Variants in TRPM4 observed in about 807,000 individuals in gnomAD.
TRPM4 encodes calcium-activated non-selective cation channel 1.
A neutral mutation model predicts 135.6 loss-of-function variants in TRPM4; 124 were observed. That is an observed-to-expected ratio of 0.91 (90% CI 0.79 to 1.06). The LOEUF (loss-of-function observed/expected upper bound fraction) is 1.06. Ranked by LOEUF, TRPM4 falls within the 50% of genes least tolerant of loss-of-function variation. TRPM4 has a pLI of 0.00. For missense variants in TRPM4, 1,658 were observed against 1,671.4 expected (o/e 0.99, Z 0.14); for synonymous variants, 745 against 705.6 (o/e 1.06, Z -0.88).
chr19:49,208,152 A>C (rs545963442), intron 20 of TRPM4, among the ~76,000 whole-genome samples: 19 of 152,244 alleles, frequency 1.2e-4, no homozygotes, highest in South Asian at 1.0e-3. Context: ...TAATTTTGCT[A>C]CTGCTATCTA....
intron 20 of TRPM4, among the ~76,000 whole-genome samples, chr19:49,208,565 G>C (rs967510469): frequency 1.3e-5 from 2 of 151,842 alleles, no homozygotes; most frequent in Non-Finnish European, 2.9e-5. Flanking sequence ...GTATGGCTTG[G>C]TTTTTCCTAG....
At chr19:49,174,027 C>T (rs1288059597) in intron 9 of TRPM4, among the ~76,000 whole-genome samples, 2 of 151,992 alleles carry the variant, frequency 1.3e-5, no homozygotes, top group East Asian at 1.9e-4. Context: ...CAACCCATTT[C>T]CTGCTCTCAA....
rs368001076 is a variant in TRPM4 at position 49,194,647 on chromosome 19, C to T, written c.2211-1793C>T. ...TCTTTCCTTCCCTTTCTTTCTCTCT[C>T]TCTTTCTCTCTCTGTCCCTCCCTCC... On this transcript the variant is annotated intron_variant, in intron 16 of 24. Coordinates refer to ENST00000252826, the MANE Select transcript of TRPM4 (RefSeq NM_017636.4). 2.8e-3 allele frequency among the ~76,000 whole-genome samples: 269 copies of T among 97,380 alleles called. 1 individual carries two copies. The highest frequency in any genetic ancestry group is 0.011 in the African/African-American group (248 of 21,792). The allele number at this position is 97,380 out of a possible 152,430, so 63.9% of individuals were successfully genotyped here. A position where few individuals can be genotyped will look rare whatever the true frequency, so the allele number is the denominator to read the frequency against.
chr19:49,208,768 C>T (rs373824740), intron 20 of TRPM4, among the ~76,000 whole-genome samples: 1 of 151,756 alleles, frequency 6.6e-6, no homozygotes, highest in African/African-American at 2.4e-5. Context: ...GGCTTGCCGC[C>T]CACACATGGT....
chr19:49,166,285 C>T, intron 3 of TRPM4, 70 bp downstream of exon 3: 2 of 1,479,904 alleles, frequency 1.4e-6, no homozygotes, highest in Non-Finnish European at 1.8e-6. Context: ...AGAGTGGAGC[C>T]GGGACGCCCG....
At chr19:49,182,978 G>A (rs369571529) in intron 11 of TRPM4, 56 bp downstream of exon 11, 3 of 1,592,652 alleles carry the variant, frequency 1.9e-6, no homozygotes, top group Non-Finnish European at 8.5e-7. Context: ...CTGGGGGCGG[G>A]ATTACATCAG....
intron 16 of TRPM4, among the ~76,000 whole-genome samples, chr19:49,191,529 T>G (rs1337823511): frequency 1.3e-5 from 2 of 151,700 alleles, no homozygotes; most frequent in Non-Finnish European, 2.9e-5. Context: ...CTTTCTTTCT[T>G]TTTTGAAATG....
In TRPM4 at chr19:49,171,467, C is replaced by T; in HGVS notation, c.858+49C>T. On this transcript the variant is annotated intron_variant, in intron 7 of 24. Transcript: ENST00000252826. The surrounding 1 kb of genome is among the most constrained non-coding windows in gnomAD (Gnocchi z 4.7). ...TCTAAGGGGGAAGGAGGGTTGGGGG[C>T]CAGGACTCCTGGGTCCTGAGTCTTA... 1.2e-6 allele frequency: 2 copies of T among 1,612,268 alleles called. No homozygotes were observed. Among genetic ancestry groups the T allele is most frequent in the South Asian group, 2.2e-5 (2 of 91,034 alleles).
intron 9 of TRPM4, among the ~76,000 whole-genome samples, chr19:49,177,826 CTG>C (rs1270715445): frequency 6.6e-6 from 1 of 152,130 alleles, no homozygotes; most frequent in Non-Finnish European, 1.5e-5. Context: ...TCATGTGAGT[CTG>C]TATAATTCTC....
chr19:49,172,840 A>T (rs1316158725), intron 9 of TRPM4, among the ~76,000 whole-genome samples: 1 of 132,886 alleles, frequency 7.5e-6, no homozygotes, highest in African/African-American at 2.9e-5. Context: ...TCATTCCTCC[A>T]TCCGTCTTCT....
At chr19:49,180,085 A>C (rs1176332571) in intron 9 of TRPM4, among the ~76,000 whole-genome samples, 2 of 152,156 alleles carry the variant, frequency 1.3e-5, no homozygotes, top group Non-Finnish European at 2.9e-5. Context: ...CCACTACATG[A>C]GATTATCTCT....
chr19:49,182,296 TCATC>T (rs1568470734), intron 10 of TRPM4, among the ~76,000 whole-genome samples: 3 of 93,158 alleles, frequency 3.2e-5, no homozygotes, highest in African/African-American at 8.9e-5. Context: ...ACCTATCCGT[TCATC>T]CATCCATCCC....
chr19:49,198,117 A>G (rs1968766781), intron 17 of TRPM4, among the ~76,000 whole-genome samples: 1 of 152,162 alleles, frequency 6.6e-6, no homozygotes, highest in African/African-American at 2.4e-5. Flanking sequence ...AAGCTATGTT[A>G]GCAGTGTTAC....
intron 17 of TRPM4, among the ~76,000 whole-genome samples, chr19:49,197,354 TTCTTTCTTTCTC>T (rs1386089015): frequency 1.1e-4 from 12 of 104,366 alleles, no homozygotes; most frequent in East Asian, 2.4e-4. Context: ...CTTTCTTTCT[TTCTTTCTTTCTC>T]TCTCTTTCTT....
At chr19:49,190,516 G>A (rs1968371235) in intron 15 of TRPM4, among the ~76,000 whole-genome samples, 180 bp from the exon 16 acceptor site, 1 of 152,180 alleles carries the variant, frequency 6.6e-6, no homozygotes, top group South Asian at 2.1e-4. Flanking sequence ...TATCTCTAGT[G>A]GCAGTTACTC....
In TRPM4 at chr19:49,181,391, G is replaced by A. The variant is rs752044941; in HGVS notation, c.1193G>A (p.Arg398His). 6.2e-7 allele frequency: 1 copy of A among 1,613,924 alleles called. No homozygotes were observed. Among genetic ancestry groups the A allele is most frequent in the Non-Finnish European group, 8.5e-7 (1 of 1,180,002 alleles). The stretch of plus-strand genomic sequence containing the variant: ...GCCTCAGCCTACCTGGATGAGCTGC[G>A]TTTGGCTGTGGCTTGGAACCGCGTG... The part of the protein sequence containing the change: ...SEASAYLDEL[R>H]LAVAWNRVDI... The change falls in exon 10 of 25, where the codon CGT (arginine) becomes CAT (histidine). Residue 398 changes from arginine (R) to histidine (H), a missense_variant. Physicochemically the swap from Arg to His is conservative, Grantham distance 29. This residue lies in a region of TRPM4 where 1,412 missense variants were observed against 1,408.7 expected (regional missense o/e 1.00). Transcript: ENST00000252826.
Position 49,182,828 on chromosome 19 carries a change from A to G in TRPM4, c.1514A>G (p.His505Arg), listed in dbSNP as rs749621197. 14 of 1,613,288 alleles carry G rather than the reference A, an allele frequency of 8.7e-6. No individual in the cohort carries two copies. The highest frequency in any genetic ancestry group is 1.7e-4 in the Middle Eastern group (1 of 6,060). Reference protein sequence around the residue: ...AAELRPPDVGHVLRMLLGKMC... With the variant: ...AAELRPPDVGRVLRMLLGKMC... ...GAGCTCCGGCCCCCTGACGTGGGGC[A>G]TGTGCTGAGGATGCTGCTGGGGAAG... Residue 505 changes from histidine (H) to arginine (R), a missense_variant, in exon 11 of 25, where the codon CAT becomes CGT. This residue lies in a region of TRPM4 where 1,412 missense variants were observed against 1,408.7 expected (regional missense o/e 1.00). Transcript: ENST00000252826.
At chr19:49,187,706 C>A (rs992591410) in intron 12 of TRPM4, among the ~76,000 whole-genome samples, 1 of 152,058 alleles carries the variant, frequency 6.6e-6, no homozygotes, top group South Asian at 2.1e-4. Flanking sequence ...GCCGGCTGTG[C>A]GGGAGACCTC....
chr19:49,157,793 C>A lies in TRPM4; in HGVS notation c.-74C>A. 1 of 1,527,596 alleles carries A rather than the reference C, an allele frequency of 6.5e-7. No individual in the cohort carries two copies. The highest frequency in any genetic ancestry group is 8.8e-7 in the Non-Finnish European group (1 of 1,141,150). 94.6% of individuals were successfully genotyped at this position (1,527,596 alleles called of 1,614,324 possible). On this transcript the variant is annotated 5_prime_UTR_variant, in exon 1 of 25. Transcript: ENST00000252826. The stretch of plus-strand genomic sequence containing the variant: ...AGTGGAGGATCCGGTTTGCTCTGGG[C>A]GGGTCTGGAAGCAGAGCCGGCGGAG...
Sources: gnomAD v4.1 joint callset for allele counts (sites outside exome capture counted in the v4.1 genomes callset) on GRCh38, gnomAD v4.1.1 for gene constraint, gnomAD v4.1.1 regional missense constraint, Gnocchi (gnomAD v3.1) non-coding constraint, MANE v1.5 for transcripts, NCBI Gene and HGNC (gene_info 2026-07-23, HGNC 2026-07-21) for gene names.